COPB2: variants seen among roughly 807,000 people sequenced by gnomAD.
COPB2 encodes the protein coat protein complex I subunit beta 2.
Under a neutral mutation model 120.8 loss-of-function variants are expected in COPB2, and 16 were observed. The observed-to-expected ratio is 0.13, with a 90% CI of 0.09 to 0.20. The LOEUF is 0.20. Ranked by LOEUF, COPB2 falls within the 10% of genes least tolerant of loss-of-function variation. COPB2 has a pLI of 1.00. For missense variants in COPB2, 794 were observed against 1,076.5 expected (o/e 0.74, Z 3.67); for synonymous variants, 332 against 366.3 (o/e 0.91, Z 1.07).
chr3:139,373,151 T>C, intron 9 of COPB2, 62 bp downstream of exon 9: 1 of 1,518,692 alleles, frequency 6.6e-7, no homozygotes, highest in East Asian at 2.3e-5. Context: ...GAGTGGACTG[T>C]GGATCTGCAA....
intron 16 of COPB2, among the ~76,000 whole-genome samples, chr3:139,361,933 A>G (rs1009059834): frequency 1.9e-4 from 29 of 152,224 alleles, no homozygotes; most frequent in Middle Eastern, 3.2e-3. Context: ...TGCTAAGAGC[A>G]TCTGCTGCTG....
chr3:139,358,680 CAAAA>C (rs1941344980), intron 20 of COPB2, 60 bp downstream of exon 20: 7 of 1,183,324 alleles, frequency 5.9e-6, no homozygotes, highest in Non-Finnish European at 8.7e-6. Flanking sequence ...AACTCTGTCT[CAAAA>C]GAAAAAAAAA....
chr3:139,369,205 C>T, intron 12 of COPB2, 56 bp downstream of exon 12: 1 of 1,438,572 alleles, frequency 7.0e-7, no homozygotes. Flanking sequence ...CCTTAGGGAC[C>T]CAGAACTCAT....
At chr3:139,389,447 G>C (rs1472698537) in intron 1 of COPB2, 101 bp downstream of exon 1, 1 of 1,380,068 alleles carries the variant, frequency 7.2e-7, no homozygotes, top group Non-Finnish European at 9.5e-7. Flanking sequence ...CGGCCGCAGC[G>C]GGAGCCCAGA....
intron 15 of COPB2, among the ~76,000 whole-genome samples, chr3:139,363,049 T>A (rs1004615618): frequency 3.3e-5 from 5 of 152,206 alleles, no homozygotes; most frequent in African/African-American, 1.2e-4. Context: ...CTTTCTGTCA[T>A]CTGTAGGTCA....
chr3:139,383,897 A>G (rs1240093638), intron 1 of COPB2, among the ~76,000 whole-genome samples: 1 of 152,200 alleles, frequency 6.6e-6, no homozygotes, highest in Non-Finnish European at 1.5e-5. Context: ...AAGAGTGGCA[A>G]TATTTTACAT....
At chr3:139,386,975 G>A (rs185796976) in intron 1 of COPB2, among the ~76,000 whole-genome samples, 1 of 149,744 alleles carries the variant, frequency 6.7e-6, no homozygotes, top group Admixed American at 6.7e-5. Context: ...GAGGCGGGAG[G>A]ATCACCTGAA....
At position 139,368,241 on chromosome 3, in the gene COPB2, T is replaced by C; in HGVS notation, c.1449A>G (p.Glu483=). The C allele has an allele frequency of 6.2e-6, 10 of 1,613,734 alleles. No homozygotes were observed. Among genetic ancestry groups the C allele is most frequent in the Non-Finnish European group, 8.5e-6 (10 of 1,179,822 alleles). Residue 483 remains glutamate (E), a synonymous_variant, in exon 13 of 22, where the codon GAA becomes GAG. Transcript: ENST00000333188. ...SGELVCIATE[E]SFFILKYLSE... ...ACAGATACTTAAGGATAAAAAATGA[T>C]TCCTCAGTAGCAATACAGACTAGCT...
Position 139,374,559 on chromosome 3 carries a change from T to C in COPB2, c.681A>G (p.Gly227=). ...QNKTCVQTLE[G]HAQNVSCASF... is the part of the protein sequence containing the mutation. ...TGGCACAAGACACATTTTGGGCATG[T>C]CCTTCCAGTGTCTGCACACATGTTT... Residue 227 remains glycine, a synonymous_variant, in exon 7 of 22, where the codon GGA becomes GGG. Coordinates refer to ENST00000333188, the MANE Select transcript of COPB2 (RefSeq NM_004766.3). 1 of 1,613,990 alleles carries C rather than the reference T, an allele frequency of 6.2e-7. No individual in the cohort carries two copies. Among genetic ancestry groups the C allele is most frequent in the Non-Finnish European group, 8.5e-7 (1 of 1,179,878 alleles).
intron 6 of COPB2, 101 bp downstream of exon 6, chr3:139,375,367 T>C: frequency 8.5e-7 from 1 of 1,180,424 alleles, no homozygotes; most frequent in Non-Finnish European, 1.1e-6. Context: ...CTTAAGTTAT[T>C]ATGCTGTGAA....
At chr3:139,358,721 A>T in intron 20 of COPB2, 23 bp downstream of exon 20, 1 of 1,553,138 alleles carries the variant, frequency 6.4e-7, no homozygotes, top group Non-Finnish European at 8.9e-7. Context: ...AGCCAAATTT[A>T]TCACATGAAG....
intron 1 of COPB2, among the ~76,000 whole-genome samples, chr3:139,384,118 A>C (rs1941867771): frequency 6.6e-6 from 1 of 152,222 alleles, no homozygotes; most frequent in Admixed American, 6.5e-5. Flanking sequence ...GTAGTTTCTT[A>C]AAGGCTACTT....
At chr3:139,366,916 T>C in intron 14 of COPB2, 99 bp downstream of exon 14, 1 of 1,503,788 alleles carries the variant, frequency 6.6e-7, no homozygotes, top group Non-Finnish European at 9.0e-7. Context: ...ACTAAAACTA[T>C]AACACTGAAA....
At position 139,369,269 on chromosome 3, in the gene COPB2, GCTGAA is replaced by G; in HGVS notation, c.1388_1392del (p.Ile463ThrfsTer8). ...ATGGAGGGGAAACTCACATGTTTGG[GCTGAA>G]TTTCAATTCTTCGTATGAGTTCTGT... On this transcript the variant is annotated frameshift_variant, in exon 12 of 22. Coordinates refer to ENST00000333188, the MANE Select transcript of COPB2 (RefSeq NM_004766.3). LOFTEE classifies it high-confidence loss of function. The G allele has an allele frequency of 6.2e-7, 1 of 1,605,358 alleles. No individual in the cohort carries two copies. The highest frequency in any genetic ancestry group is 8.5e-7 in the Non-Finnish European group (1 of 1,175,140).
In COPB2 at chr3:139,389,623, C is replaced by A. The variant is rs961547066; in HGVS notation, c.-73G>T. 16 of 1,453,258 alleles carry A rather than the reference C, an allele frequency of 1.1e-5. No homozygotes were observed. The African/African-American group carries it at 1.7e-4, about 15-fold the overall frequency. The allele number at this position is 1,453,258 out of a possible 1,614,324, so 90.0% of individuals were successfully genotyped here. A position where few individuals can be genotyped will look rare whatever the true frequency, so the allele number is the denominator to read the frequency against. On this transcript the variant is annotated 5_prime_UTR_variant, in exon 1 of 22. Coordinates refer to ENST00000333188, the MANE Select transcript of COPB2 (RefSeq NM_004766.3). The stretch of plus-strand genomic sequence containing the variant: ...CAGGCCTTGAGATAAACCCACCGAT[C>A]CACTGACCGTCAGACTGACTGACGT...
intron 16 of COPB2, among the ~76,000 whole-genome samples, 164 bp from the exon 17 acceptor site, chr3:139,361,459 T>C (rs746991802): frequency 1.3e-5 from 2 of 151,086 alleles, no homozygotes; most frequent in Non-Finnish European, 2.9e-5. Context: ...AGTGAGGAAA[T>C]GGAAATTATT....
chr3:139,366,783 AG>A lies in COPB2; in HGVS notation c.1677-9del. On this transcript the variant is annotated splice_polypyrimidine_tract_variant and intron_variant, in intron 14 of 21. Coordinates refer to ENST00000333188, the MANE Select transcript of COPB2 (RefSeq NM_004766.3). Reference sequence around the variant, plus strand: ...CCTAGGAGATACATCGTCCTATAAAAGAAACAGAAACCAAGTTAGAAATTCA... The same window carrying A: ...CCTAGGAGATACATCGTCCTATAAAAAAACAGAAACCAAGTTAGAAATTCA... 1 of 1,609,404 alleles carries A rather than the reference AG, an allele frequency of 6.2e-7. No individual in the cohort carries two copies. Among genetic ancestry groups the A allele is most frequent in the Non-Finnish European group, 8.5e-7 (1 of 1,177,190 alleles).
intron 10 of COPB2, among the ~76,000 whole-genome samples, chr3:139,370,597 A>C (rs914202158): frequency 3.3e-5 from 5 of 152,238 alleles, no homozygotes; most frequent in Non-Finnish European, 7.3e-5. Flanking sequence ...CAAATGGTTC[A>C]TTAATCAGCC....
At chr3:139,373,567 C>T in intron 8 of COPB2, 99 bp downstream of exon 8, 1 of 1,557,326 alleles carries the variant, frequency 6.4e-7, no homozygotes, top group East Asian at 2.2e-5. Flanking sequence ...GAAAGAAGTG[C>T]CAGTTTTATA....
Sources: allele counts gnomAD v4.1 joint callset (sites outside exome capture counted in the v4.1 genomes callset), GRCh38; gene constraint gnomAD v4.1.1; transcripts MANE v1.5; gene names NCBI Gene and HGNC (gene_info 2026-07-23, HGNC 2026-07-21).